Variants in MACROD2 observed in about 807,000 individuals in gnomAD.
MACROD2 encodes ADP-ribose glycohydrolase MACROD2.
Under a neutral mutation model 70.4 loss-of-function variants are expected in MACROD2, and 36 were observed. The observed-to-expected ratio is 0.51, with a 90% CI of 0.39 to 0.68. The LOEUF is 0.68. Among genes scored for constraint, MACROD2 ranks in the 30% least tolerant of loss-of-function variants. The pLI, the probability that MACROD2 is intolerant of heterozygous loss-of-function variation, is 0.00. For missense variants in MACROD2, 496 were observed against 538.4 expected (o/e 0.92, Z 0.78); for synonymous variants, 172 against 178.8 (o/e 0.96, Z 0.30).
chr20:15,246,990 G>A (rs7267421), intron 6 of MACROD2, among the ~76,000 whole-genome samples: 28,615 of 152,032 alleles, frequency 0.19, 3,203 homozygotes, highest in African/African-American at 0.31. Context: ...TAGGAAATCC[G>A]TAGATACAGA....
intron 4 of MACROD2, among the ~76,000 whole-genome samples, chr20:14,578,909 C>G (rs1028856956): frequency 6.6e-6 from 1 of 152,088 alleles, no homozygotes; most frequent in African/African-American, 2.4e-5. Flanking sequence ...CTAAGAATTC[C>G]TTTTTTCTTC....
chr20:15,530,846 G>T (rs1407953986), intron 8 of MACROD2, among the ~76,000 whole-genome samples: 1 of 152,104 alleles, frequency 6.6e-6, no homozygotes, highest in Middle Eastern at 3.4e-3. Context: ...AGATTAGCAA[G>T]GTTGGCTATC....
At chr20:15,787,683 T>A (rs1276255397) in intron 8 of MACROD2, among the ~76,000 whole-genome samples, 1 of 152,236 alleles carries the variant, frequency 6.6e-6, no homozygotes, top group East Asian at 1.9e-4. Flanking sequence ...TTTGCCCATA[T>A]TGACTCCAAC....
At chr20:14,520,382 T>C (rs2085153190) in intron 4 of MACROD2, among the ~76,000 whole-genome samples, 1 of 152,138 alleles carries the variant, frequency 6.6e-6, no homozygotes, top group African/African-American at 2.4e-5. Flanking sequence ...ATGCCTGAAT[T>C]CTTTACTCTG....
At chr20:15,182,808 C>G (rs1408252511) in intron 5 of MACROD2, among the ~76,000 whole-genome samples, 2 of 152,152 alleles carry the variant, frequency 1.3e-5, no homozygotes, top group Non-Finnish European at 2.9e-5. Flanking sequence ...TGGAGGTACT[C>G]TATTTAGGAT....
At chr20:14,495,585 C>G (rs1174817335) in intron 4 of MACROD2, among the ~76,000 whole-genome samples, 1 of 152,092 alleles carries the variant, frequency 6.6e-6, no homozygotes, top group Non-Finnish European at 1.5e-5. Context: ...TGTAATGTAC[C>G]TGCCATGGTG....
At chr20:14,134,659 G>T (rs1256352302) in intron 3 of MACROD2, among the ~76,000 whole-genome samples, 1 of 152,134 alleles carries the variant, frequency 6.6e-6, no homozygotes, top group Non-Finnish European at 1.5e-5. Flanking sequence ...ACAAAAATTA[G>T]CTGGGCGTGG....
chr20:14,503,754 A>G (rs1409984879), intron 4 of MACROD2, among the ~76,000 whole-genome samples: 1 of 152,248 alleles, frequency 6.6e-6, no homozygotes, highest in African/African-American at 2.4e-5. Context: ...TAGATGCTGA[A>G]CACACCAAAG....
At chr20:14,228,849 TA>T (rs71190118) in intron 3 of MACROD2, among the ~76,000 whole-genome samples, 147,318 of 152,030 alleles carry the variant, frequency 0.97, 71,394 homozygotes, top group Admixed American at 0.99. Flanking sequence ...CTACTAAAAA[TA>T]ACAAAAATTA....
intron 3 of MACROD2, among the ~76,000 whole-genome samples, chr20:14,151,865 A>G (rs1392060682): frequency 1.7e-5 from 2 of 115,332 alleles, no homozygotes; most frequent in African/African-American, 6.9e-5. Flanking sequence ...TCTGTCGCCC[A>G]GGCTGGAGTG....
At chr20:15,353,354 C>A (rs976515046) in intron 6 of MACROD2, among the ~76,000 whole-genome samples, 144 of 152,012 alleles carry the variant, frequency 9.5e-4, no homozygotes, top group African/African-American at 3.1e-3. Flanking sequence ...AAATTAATTC[C>A]AGATGGATTA....
intron 5 of MACROD2, among the ~76,000 whole-genome samples, chr20:15,001,398 A>T (rs916545327): frequency 3.9e-5 from 6 of 152,132 alleles, no homozygotes; most frequent in Non-Finnish European, 8.8e-5. Flanking sequence ...CTCTGTCATG[A>T]TTATTGTTTA....
chr20:15,999,676 C>A (rs905472778), intron 15 of MACROD2, among the ~76,000 whole-genome samples: 5 of 152,208 alleles, frequency 3.3e-5, no homozygotes, highest in African/African-American at 1.2e-4. Context: ...TAAATACATA[C>A]AATTGTACAT....
chr20:14,230,688 T>C (rs868074440), intron 3 of MACROD2, among the ~76,000 whole-genome samples: 2,105 of 124,560 alleles, frequency 0.017, 213 homozygotes, highest in South Asian at 0.04. Context: ...TATATATATA[T>C]ATATATATAT....
chr20:14,840,033 C>CTTTT (rs71190154), intron 5 of MACROD2, among the ~76,000 whole-genome samples: 2 of 142,508 alleles, frequency 1.4e-5, no homozygotes, highest in East Asian at 2.1e-4. Context: ...GTCTCCATGT[C>CTTTT]TTTTTTTTTT....
chr20:15,147,451 G>T (rs1245465245), intron 5 of MACROD2, among the ~76,000 whole-genome samples: 1 of 150,328 alleles, frequency 6.7e-6, no homozygotes, highest in Non-Finnish European at 1.5e-5. Flanking sequence ...TTTTTACCCA[G>T]CCAGGGTCTT....
chr20:15,563,191 G>C (rs145929598), intron 8 of MACROD2, among the ~76,000 whole-genome samples: 1 of 152,272 alleles, frequency 6.6e-6, no homozygotes, highest in East Asian at 1.9e-4. Context: ...AGAAAGATGT[G>C]CTTCTCATAT....
At chr20:14,305,343 C>T (rs912684813) in intron 3 of MACROD2, among the ~76,000 whole-genome samples, 9 of 152,040 alleles carry the variant, frequency 5.9e-5, no homozygotes, top group African/African-American at 1.9e-4. Flanking sequence ...GCCTTCTTCT[C>T]ACAGAATATA....
chr20:14,905,362 C>T (rs1349785722), intron 5 of MACROD2: 1 of 151,932 alleles, frequency 6.6e-6, no homozygotes, highest in African/African-American at 2.4e-5. Flanking sequence ...GAAAAATAAG[C>T]AAAGGGATTA....
Sources: allele counts gnomAD v4.1 joint callset (sites outside exome capture counted in the v4.1 genomes callset), GRCh38; gene constraint gnomAD v4.1.1; transcripts MANE v1.5; gene names NCBI Gene and HGNC (gene_info 2026-07-23, HGNC 2026-07-21).